Variants in WNT9A observed in about 807,000 individuals in gnomAD.
WNT9A encodes Wnt family member 9A.
WNT9A carries 8 observed loss-of-function variants against 31.4 expected under a neutral mutation model. The observed-to-expected ratio is 0.26, with a 90% CI of 0.15 to 0.46. The LOEUF (loss-of-function observed/expected upper bound fraction) is 0.46, where lower values mean the gene tolerates loss of function less well. WNT9A is among the 20% of genes least tolerant of loss of function. The pLI, the probability that WNT9A is intolerant of heterozygous loss-of-function variation, is 0.99. For missense variants in WNT9A, 457 were observed against 522.9 expected, an observed-to-expected ratio of 0.87 and a Z score of 1.23; for synonymous variants, 236 against 220.1, an observed-to-expected ratio of 1.07 and a Z score of -0.64.
intron 1 of WNT9A, among the ~76,000 whole-genome samples, chr1:227,946,089 C>T (rs1263359037): frequency 1.3e-5 from 2 of 152,212 alleles, no homozygotes; most frequent in Non-Finnish European, 2.9e-5. Context: ...TCCTTTGGAG[C>T]CAAGAAGCAG....
chr1:227,936,583 C>T (rs1391102802), intron 1 of WNT9A, among the ~76,000 whole-genome samples: 1 of 152,100 alleles, frequency 6.6e-6, no homozygotes, highest in Non-Finnish European at 1.5e-5. Flanking sequence ...GATCCACCCA[C>T]CGCAGCCTCA....
At chr1:227,940,670 G>T (rs1666687273) in intron 1 of WNT9A, among the ~76,000 whole-genome samples, 1 of 152,212 alleles carries the variant, frequency 6.6e-6, no homozygotes, top group Admixed American at 6.5e-5. Context: ...CACTTCCCCT[G>T]GCTGCACTGA....
intron 1 of WNT9A, among the ~76,000 whole-genome samples, chr1:227,936,746 C>G (rs1369899597): frequency 5.9e-5 from 9 of 152,198 alleles, no homozygotes; most frequent in Admixed American, 5.2e-4. Flanking sequence ...CTTCCTTAGC[C>G]TCCCAAAGTG....
chr1:227,923,986 G>A (rs1005349338), intron 3 of WNT9A, 152 bp downstream of exon 3: 69 of 1,130,948 alleles, frequency 6.1e-5, no homozygotes, highest in African/African-American at 1.4e-4. Flanking sequence ...CATGACTGGC[G>A]CTGCACGGCC....
At chr1:227,922,480 C>T (rs980115749) in intron 3 of WNT9A, among the ~76,000 whole-genome samples, 35 of 152,252 alleles carry the variant, frequency 2.3e-4, no homozygotes, top group African/African-American at 7.5e-4. Flanking sequence ...TATCGGGAAC[C>T]AGGTGCTACC....
intron 1 of WNT9A, among the ~76,000 whole-genome samples, chr1:227,930,088 C>T (rs1666481734): frequency 6.6e-6 from 1 of 152,206 alleles, no homozygotes; most frequent in Non-Finnish European, 1.5e-5. Context: ...CCTGCACGTG[C>T]ATTGTACCTT....
Position 227,947,909 on chromosome 1 carries a change from A to C in WNT9A, c.-22T>G, listed in dbSNP as rs1302532756. On this transcript the variant is annotated 5_prime_UTR_variant, in exon 1 of 4. Coordinates refer to ENST00000272164, the MANE Select transcript of WNT9A (RefSeq NM_003395.4). ...GCATCTTGCCGCGCCTCGGCGGCCG[A>C]CCATCGCGCTCCCAGCTCCGCGCAG... 1.9e-6 allele frequency: 2 copies of C among 1,052,724 alleles called. No homozygotes were observed. Among genetic ancestry groups the C allele is most frequent in the Admixed American group, 1.1e-4 (2 of 18,038 alleles). The allele number at this position is 1,052,724 out of a possible 1,614,324, so 65.2% of individuals were successfully genotyped here.
At chr1:227,934,303 C>T (rs1347998607) in intron 1 of WNT9A, among the ~76,000 whole-genome samples, 2 of 152,322 alleles carry the variant, frequency 1.3e-5, no homozygotes, top group African/African-American at 4.8e-5. Flanking sequence ...CTCAATGCCC[C>T]ACTTTCTTTA....
chr1:227,947,461 G>A lies in WNT9A; in HGVS notation c.95+332C>T, dbSNP rs1023255542. Among the ~76,000 whole-genome samples the A allele has an allele frequency of 2.6e-5, 4 of 152,182 alleles. 1 individual carries two copies. In the East Asian group the frequency reaches 7.7e-4, roughly 29 times the overall value. On this transcript the variant is annotated intron_variant, in intron 1 of 3. Transcript: ENST00000272164. ...TGAGGACTCAGGCTCCAGCCTTTTG[G>A]CAAGGACACGGCGGCCCAAGGAAGT...
Position 227,921,833 on chromosome 1 carries a change from G to T in WNT9A, c.783C>A (p.Ala261=), listed in dbSNP as rs776927290. The T allele has an allele frequency of 7.4e-6, 12 of 1,613,080 alleles. 1 individual carries two copies. The South Asian group carries it at 1.2e-4, about 16-fold the overall frequency. The change falls in exon 4 of 4, where the codon GCC becomes GCA. Residue 261 remains alanine (A), a synonymous_variant. Coordinates refer to ENST00000272164, the MANE Select transcript of WNT9A (RefSeq NM_003395.4). ...LKVGSTTNEA[A]GEAGAISPPR... ...GTGGGGAGATGGCACCTGCCTCGCC[G>T]GCAGCTTCATTGGTGGTGCTGCCCA...
At chr1:227,927,504 A>C (rs912681304) in intron 1 of WNT9A, among the ~76,000 whole-genome samples, 1 of 152,172 alleles carries the variant, frequency 6.6e-6, no homozygotes, top group African/African-American at 2.4e-5. Flanking sequence ...TCAGGACAGG[A>C]GCACAGGGCG....
At chr1:227,941,894 C>G (rs1279932798) in intron 1 of WNT9A, among the ~76,000 whole-genome samples, 1 of 152,082 alleles carries the variant, frequency 6.6e-6, no homozygotes, top group Admixed American at 6.5e-5. Flanking sequence ...GATCAGGTGG[C>G]GCGACCGAGG....
chr1:227,925,342 G>T lies in WNT9A; in HGVS notation c.273C>A (p.Leu91=). The change falls in exon 2 of 4, where the codon CTC becomes CTA. Residue 91 remains leucine, a synonymous_variant. Coordinates refer to ENST00000272164, the MANE Select transcript of WNT9A (RefSeq NM_003395.4). This position sits in a 1 kb window ranked among gnomAD's most constrained non-coding sequence, Gnocchi z 6.0. Reference sequence around the variant, plus strand: ...CAAAGCGGAACTGGAACTGGCACTCGAGCGCACTCATGCTCACGGCCTCCA... The same window carrying T: ...CAAAGCGGAACTGGAACTGGCACTCTAGCGCACTCATGCTCACGGCCTCCA... ...TLVEAVSMSA[L]ECQFQFRFER... 1.2e-6 allele frequency: 2 copies of T among 1,610,670 alleles called. No individual in the cohort carries two copies. Among genetic ancestry groups the T allele is most frequent in the Non-Finnish European group, 1.7e-6 (2 of 1,179,254 alleles).
At chr1:227,923,778 C>T (rs2102717552) in intron 3 of WNT9A, among the ~76,000 whole-genome samples, 1 of 152,264 alleles carries the variant, frequency 6.6e-6, no homozygotes, top group East Asian at 1.9e-4. Flanking sequence ...AGCTGGCTGA[C>T]AGGTGGGGCC....
chr1:227,938,101 C>T (rs891717288), intron 1 of WNT9A, among the ~76,000 whole-genome samples: 9 of 152,146 alleles, frequency 5.9e-5, no homozygotes, highest in African/African-American at 2.2e-4. Flanking sequence ...ACCAAACCAA[C>T]CTCACACTTT....
At chr1:227,947,056 C>A (rs1407432291) in intron 1 of WNT9A, among the ~76,000 whole-genome samples, 1 of 152,200 alleles carries the variant, frequency 6.6e-6, no homozygotes, top group Non-Finnish European at 1.5e-5. Flanking sequence ...GACTGGGCAT[C>A]CCAGACCTCA....
rs1309830823 is a variant in WNT9A, at chr1:227,921,506, G to A, written c.*12C>T. On this transcript the variant is annotated 3_prime_UTR_variant, in exon 4 of 4. Coordinates refer to ENST00000272164, the MANE Select transcript of WNT9A (RefSeq NM_003395.4). ...TGCACCCTGTGCAGCAGGGCTGGCA[G>A]GGCCTGGGAACTCAGCCCTTGCAGG... 2.5e-6 allele frequency: 4 copies of A among 1,599,248 alleles called. No individual in the cohort carries two copies. The highest frequency in any genetic ancestry group is 1.1e-5 in the South Asian group (1 of 89,194).
At chr1:227,932,380 CAT>C (rs1263785554) in intron 1 of WNT9A, among the ~76,000 whole-genome samples, 2 of 152,314 alleles carry the variant, frequency 1.3e-5, no homozygotes, top group African/African-American at 4.8e-5. Context: ...TTCCAATTCT[CAT>C]TCTCTTGCTG....
rs1666308105 is a variant in WNT9A at position 227,921,324 on chromosome 1, T to C, written c.*194A>G. On this transcript the variant is annotated 3_prime_UTR_variant, in exon 4 of 4. Transcript: ENST00000272164. ...TGCAGCTAGGACTGAGCCCAGGGAC[T>C]CACCCCACGCTGCTAGGTCTGAGCC... The C allele has an allele frequency of 2.5e-6, 2 of 815,154 alleles. No individual in the cohort carries two copies. The highest frequency in any genetic ancestry group is 3.7e-6 in the Non-Finnish European group (2 of 536,418). 50.5% of individuals were successfully genotyped at this position (815,154 alleles called of 1,614,324 possible).
Sources: allele counts gnomAD v4.1 joint callset (sites outside exome capture counted in the v4.1 genomes callset), GRCh38; gene constraint gnomAD v4.1.1; non-coding constraint Gnocchi (gnomAD v3.1); transcripts MANE v1.5; gene names NCBI Gene and HGNC (gene_info 2026-07-23, HGNC 2026-07-21).